The following GLCE variants were observed in gnomAD, a reference collection of about 807,000 sequenced individuals.
GLCE encodes the protein D-glucuronyl C5-epimerase.
In GLCE, 19 loss-of-function variants were observed where a neutral mutation model predicts 47.9. The observed-to-expected ratio is 0.40, with a 90% CI of 0.28 to 0.58. GLCE has a LOEUF of 0.58. GLCE is among the 20% of genes least tolerant of loss of function. The pLI, the probability that GLCE is intolerant of heterozygous loss-of-function variation, is 0.48. For missense variants in GLCE, 556 were observed against 743.3 expected (o/e 0.75, Z 2.93); for synonymous variants, 245 against 263.4 (o/e 0.93, Z 0.68).
chr15:69,260,031 A>T (rs1424801587), intron 3 of GLCE, among the ~76,000 whole-genome samples: 1 of 152,226 alleles, frequency 6.6e-6, no homozygotes, highest in Admixed American at 6.5e-5. Flanking sequence ...GCTCCTAAGT[A>T]GTAAATTACT....
At chr15:69,212,211 C>G (rs1294227725) in intron 2 of GLCE, among the ~76,000 whole-genome samples, 2 of 151,820 alleles carry the variant, frequency 1.3e-5, no homozygotes, top group Non-Finnish European at 2.9e-5. Flanking sequence ...TAATCAATTT[C>G]TTACGAATAA....
Position 69,268,894 on chromosome 15 carries a change from A to G in GLCE, c.1504A>G (p.Thr502Ala), listed in dbSNP as rs1266475998. ...ACATGACTGGTATGAAGAATATCCAACCACACCTAGCTCTTTTGTTTTAAA... is the reference window on the plus strand; with the variant it reads ...ACATGACTGGTATGAAGAATATCCAGCCACACCTAGCTCTTTTGTTTTAAA... ...NKHDWYEEYP[T>A]TPSSFVLNGF... is the part of the protein sequence containing the mutation. Residue 502 changes from threonine (T) to alanine (A), a missense_variant, in exon 5 of 5, where the codon ACC (threonine) becomes GCC (alanine). Physicochemically the swap from Thr to Ala is moderately conservative, Grantham distance 58. This residue lies in a region of GLCE where 245 missense variants were observed against 368.1 expected (regional missense o/e 0.67). Coordinates refer to ENST00000261858, the MANE Select transcript of GLCE (RefSeq NM_015554.3). 4 of 1,614,020 alleles carry G rather than the reference A, an allele frequency of 2.5e-6. No individual in the cohort carries two copies. The South Asian group carries it at 3.3e-5, about 13-fold the overall frequency.
intron 1 of GLCE, among the ~76,000 whole-genome samples, chr15:69,161,210 C>A (rs1278886444): frequency 6.6e-6 from 1 of 151,852 alleles, no homozygotes; most frequent in African/African-American, 2.4e-5. Context: ...CGGTGTAAAC[C>A]TTGTCTCTGG....
At position 69,217,580 on chromosome 15, in the gene GLCE, A is replaced by G. The variant is rs1595761076; in HGVS notation, c.-14+7174A>G. ...TTGAGTATGCTTTAGAACCTGAAACATAATAAAGTGGCACCTGCTAGCAGT... is the reference window on the plus strand; with the variant it reads ...TTGAGTATGCTTTAGAACCTGAAACGTAATAAAGTGGCACCTGCTAGCAGT... On this transcript the variant is annotated intron_variant, in intron 2 of 4. Coordinates refer to ENST00000261858, the MANE Select transcript of GLCE (RefSeq NM_015554.3). Among the ~76,000 whole-genome samples, 3 of 152,254 alleles carry G rather than the reference A, an allele frequency of 2.0e-5. No individual in the cohort carries two copies. The East Asian group carries it at 5.8e-4, about 29-fold the overall frequency.
At chr15:69,266,988 A>G (rs1006393527) in intron 4 of GLCE, among the ~76,000 whole-genome samples, 2 of 152,224 alleles carry the variant, frequency 1.3e-5, no homozygotes, top group African/African-American at 4.8e-5. Context: ...TAAGCTGTGA[A>G]AAGATCAAGA....
intron 2 of GLCE, among the ~76,000 whole-genome samples, chr15:69,246,153 TG>T (rs2052747032): frequency 6.6e-6 from 1 of 152,234 alleles, no homozygotes; most frequent in African/African-American, 2.4e-5. Context: ...CTTCTAATTC[TG>T]GTTCTCTTGC....
intron 1 of GLCE, among the ~76,000 whole-genome samples, chr15:69,209,495 A>G (rs751720463): frequency 1.3e-5 from 2 of 152,114 alleles, no homozygotes; most frequent in Non-Finnish European, 2.9e-5. Context: ...AACTTTTGCC[A>G]TATTACTTGG....
At chr15:69,267,158 A>G (rs11854160) in intron 4 of GLCE, among the ~76,000 whole-genome samples, 5,506 of 152,298 alleles carry the variant, frequency 0.036, 327 homozygotes, top group African/African-American at 0.13. Context: ...GCCATCATTA[A>G]TACTATAAAT....
Position 69,260,168 on chromosome 15 carries a change from T to C in GLCE, c.587-919T>C, listed in dbSNP as rs76586530. 7.8e-4 allele frequency among the ~76,000 whole-genome samples: 119 copies of C among 152,178 alleles called. 1 individual carries two copies. The East Asian group carries it at 0.022, about 29-fold the overall frequency. ...ACTAAATTCATGTTTTAAAAAACACTTCTTAAGAATTACATTTTAACAGGA... is the reference window on the plus strand; with the variant it reads ...ACTAAATTCATGTTTTAAAAAACACCTCTTAAGAATTACATTTTAACAGGA... On this transcript the variant is annotated intron_variant, in intron 3 of 4. Transcript: ENST00000261858.
At chr15:69,268,028 G>C (rs1020456536) in intron 4 of GLCE, among the ~76,000 whole-genome samples, 192 bp from the exon 5 acceptor site, 1 of 152,094 alleles carries the variant, frequency 6.6e-6, no homozygotes, top group Non-Finnish European at 1.5e-5. Context: ...ACAAGCCATC[G>C]TGAACTCACC....
At chr15:69,256,646 C>T in intron 3 of GLCE, among the ~76,000 whole-genome samples, 1 of 152,084 alleles carries the variant, frequency 6.6e-6, no homozygotes, top group East Asian at 1.9e-4. Flanking sequence ...AAAATTCTCA[C>T]CAGTAAGGTA....
At position 69,270,692 on chromosome 15, in the gene GLCE, A is replaced by G. The variant is rs2053154995; in HGVS notation, c.*1448A>G. 1 of 152,200 alleles carries G rather than the reference A, an allele frequency of 6.6e-6. No individual in the cohort carries two copies. Among genetic ancestry groups the G allele is most frequent in the East Asian group, 1.9e-4 (1 of 5,194 alleles). The allele number at this position is 152,200 out of a possible 1,614,324, so 9.4% of individuals were successfully genotyped here. A position where few individuals can be genotyped will look rare whatever the true frequency, so the allele number is the denominator to read the frequency against. On this transcript the variant is annotated 3_prime_UTR_variant, in exon 5 of 5. Coordinates refer to ENST00000261858, the MANE Select transcript of GLCE (RefSeq NM_015554.3). Reference sequence around the variant, plus strand: ...ACACACTATATTTTAATTGAATTCAAACTATCAAGCACTACTTAGAAACTG... The same window carrying G: ...ACACACTATATTTTAATTGAATTCAGACTATCAAGCACTACTTAGAAACTG...
rs2051581487 is a variant in GLCE at position 69,171,101 on chromosome 15, C to T, written c.-105+10344C>T. 3.3e-5 allele frequency among the ~76,000 whole-genome samples: 5 copies of T among 152,124 alleles called. No individual in the cohort carries two copies. In the South Asian group the frequency reaches 1.0e-3, roughly 32 times the overall value. The stretch of plus-strand genomic sequence containing the variant: ...AATTGCAAATAAAATTATTCATTTA[C>T]TTAAACTTTTATTTACCTAATTTAA... On this transcript the variant is annotated intron_variant, in intron 1 of 4. Coordinates refer to ENST00000261858, the MANE Select transcript of GLCE (RefSeq NM_015554.3).
intron 2 of GLCE, among the ~76,000 whole-genome samples, chr15:69,247,329 A>G (rs1462603059): frequency 1.3e-5 from 2 of 152,178 alleles, no homozygotes; most frequent in African/African-American, 2.4e-5. Context: ...CTAGCTTCCA[A>G]CTTTTCTTCT....
At chr15:69,162,045 T>C (rs865844990) in intron 1 of GLCE, among the ~76,000 whole-genome samples, 20 of 152,332 alleles carry the variant, frequency 1.3e-4, no homozygotes, top group Middle Eastern at 3.4e-3. Context: ...GTCTGGCTTC[T>C]TTCTGTCCTT....
chr15:69,196,820 C>A, intron 1 of GLCE: 1 of 163,736 alleles, frequency 6.1e-6, no homozygotes, highest in South Asian at 1.5e-4. Context: ...GAAGTGTTGT[C>A]TTCTCTTACT....
chr15:69,268,209 C>T lies in GLCE; in HGVS notation c.830-11C>T, dbSNP rs755493724. 23 of 1,543,398 alleles carry T rather than the reference C, an allele frequency of 1.5e-5. No homozygotes were observed. The highest frequency in any genetic ancestry group is 3.7e-5 in the South Asian group (3 of 80,164). On this transcript the variant is annotated splice_polypyrimidine_tract_variant and intron_variant, in intron 4 of 4. Transcript: ENST00000261858. ...TCTAACCAGTCTTTGTTGGTATATT[C>T]TCCCCTACAGAAACCAGTGAAGGTG... is the stretch of plus-strand genomic sequence containing the variant.
intron 1 of GLCE, among the ~76,000 whole-genome samples, chr15:69,179,157 A>C (rs2051715317): frequency 6.6e-6 from 1 of 152,222 alleles, no homozygotes; most frequent in South Asian, 2.1e-4. Context: ...GTTCCTTCTG[A>C]AGAGGGACTA....
chr15:69,165,758 A>G (rs186555449), intron 1 of GLCE, among the ~76,000 whole-genome samples: 2 of 152,162 alleles, frequency 1.3e-5, no homozygotes, highest in African/African-American at 4.8e-5. Context: ...TTGTTTATGC[A>G]TAGTTGGCTA....
Sources: gnomAD v4.1 joint callset for allele counts (sites outside exome capture counted in the v4.1 genomes callset) on GRCh38, gnomAD v4.1.1 for gene constraint, gnomAD v4.1.1 regional missense constraint, MANE v1.5 for transcripts, NCBI Gene and HGNC (gene_info 2026-07-23, HGNC 2026-07-21) for gene names.